The following SORBS2 variants were observed in gnomAD, a reference collection of about 807,000 sequenced individuals.
The protein encoded by SORBS2 is sorbin and SH3 domain containing 2, also known as sorbin and SH3 domain-containing protein 2.
A neutral mutation model predicts 97.7 loss-of-function variants in SORBS2; 46 were observed. The observed-to-expected ratio is 0.47, with a 90% CI of 0.37 to 0.60. SORBS2 has a LOEUF of 0.60. Among genes scored for constraint, SORBS2 ranks in the 20% least tolerant of loss-of-function variants. The probability of loss-of-function intolerance (pLI) is 0.00; values close to 1 mark genes in which losing one functional copy is unlikely to be tolerated. For missense variants in SORBS2, 1,316 were observed against 1,282.3 expected (o/e 1.03, Z -0.40); for synonymous variants, 476 against 473.4 (o/e 1.01, Z -0.07).
chr4:185,753,946 G>A (rs2098815926), intron 2 of SORBS2, among the ~76,000 whole-genome samples: 1 of 152,094 alleles, frequency 6.6e-6, no homozygotes, highest in Admixed American at 6.6e-5. Context: ...TCCCATTATT[G>A]GGTCTATACC....
intron 1 of SORBS2, among the ~76,000 whole-genome samples, chr4:185,655,264 G>A (rs923105618): frequency 1.6e-4 from 24 of 152,308 alleles, no homozygotes; most frequent in Non-Finnish European, 3.1e-4. Context: ...CTGTTTCCTC[G>A]GCATAGGCTG....
At chr4:185,640,463 C>T (rs375319636) in intron 4 of SORBS2, among the ~76,000 whole-genome samples, 1 of 152,018 alleles carries the variant, frequency 6.6e-6, no homozygotes, top group Non-Finnish European at 1.5e-5. Context: ...AGAGAACATC[C>T]TACTATTAGA....
At chr4:185,941,267 G>C (rs773424684) in intron 1 of SORBS2, among the ~76,000 whole-genome samples, 17 of 152,168 alleles carry the variant, frequency 1.1e-4, no homozygotes, top group Non-Finnish European at 2.4e-4. Context: ...GCAGGAAAAG[G>C]TTAACTGTCT....
chr4:185,845,870 C>T (rs958678360), intron 1 of SORBS2, among the ~76,000 whole-genome samples: 1 of 152,194 alleles, frequency 6.6e-6, no homozygotes, highest in African/African-American at 2.4e-5. Flanking sequence ...CACCTTTCAA[C>T]TGGCCAAAAT....
intron 4 of SORBS2, among the ~76,000 whole-genome samples, chr4:185,667,271 T>G (rs559004633): frequency 1.3e-5 from 2 of 152,228 alleles, no homozygotes; most frequent in Non-Finnish European, 2.9e-5. Flanking sequence ...CTGTTTACAC[T>G]TAGAAATACT....
chr4:185,652,583 G>T, intron 2 of SORBS2, 79 bp downstream of exon 10: 2 of 1,108,856 alleles, frequency 1.8e-6, no homozygotes, highest in Non-Finnish European at 2.8e-6. Flanking sequence ...CATTGTGTGT[G>T]AATCAAACCG....
intron 4 of SORBS2, among the ~76,000 whole-genome samples, chr4:185,641,634 T>C (rs2097127831): frequency 6.6e-6 from 1 of 151,926 alleles, no homozygotes; most frequent in African/African-American, 2.4e-5. Flanking sequence ...ATATTAACAC[T>C]CAGAAACTCA....
intron 1 of SORBS2, among the ~76,000 whole-genome samples, chr4:185,792,706 G>A (rs1189674381): frequency 3.3e-5 from 5 of 152,044 alleles, no homozygotes; most frequent in Non-Finnish European, 7.4e-5. Flanking sequence ...TTGAGGATAC[G>A]GAAATTTGGT....
At chr4:185,687,096 G>A (rs1170604676) in intron 2 of SORBS2, among the ~76,000 whole-genome samples, 1 of 152,112 alleles carries the variant, frequency 6.6e-6, no homozygotes, top group Non-Finnish European at 1.5e-5. Flanking sequence ...AGGCTGGAGT[G>A]TAGTGATGCA....
intron 1 of SORBS2, among the ~76,000 whole-genome samples, chr4:185,919,105 C>A (rs2099259757): frequency 6.6e-6 from 1 of 152,186 alleles, no homozygotes; most frequent in Non-Finnish European, 1.5e-5. Context: ...AATCAGAACT[C>A]TTTTCATGAA....
intron 3 of SORBS2, among the ~76,000 whole-genome samples, chr4:185,647,099 T>C (rs1421569049): frequency 1.3e-5 from 2 of 152,196 alleles, no homozygotes; most frequent in East Asian, 3.9e-4. Context: ...TTTGGGATCC[T>C]TGATCCAAAG....
At chr4:185,695,689 G>A (rs2098166182) in intron 2 of SORBS2, among the ~76,000 whole-genome samples, 1 of 152,154 alleles carries the variant, frequency 6.6e-6, no homozygotes, top group Non-Finnish European at 1.5e-5. Flanking sequence ...ATCTCTGACT[G>A]TGGTAAAATA....
At chr4:185,639,604 C>T (rs887371689) in intron 4 of SORBS2, among the ~76,000 whole-genome samples, 2 of 152,104 alleles carry the variant, frequency 1.3e-5, no homozygotes, top group Non-Finnish European at 2.9e-5. Flanking sequence ...AATCTAAGAG[C>T]TTAAAGTACT....
chr4:185,944,304 C>T (rs1010168438), intron 1 of SORBS2, among the ~76,000 whole-genome samples: 6 of 152,166 alleles, frequency 3.9e-5, no homozygotes, highest in Non-Finnish European at 7.4e-5. Flanking sequence ...GGCCACTAGC[C>T]TGGGCCTAGT....
chr4:185,775,678 C>T (rs2098996618), intron 1 of SORBS2: 1 of 152,204 alleles, frequency 6.6e-6, no homozygotes, highest in Admixed American at 6.5e-5. Flanking sequence ...ACACAGTGCT[C>T]CTCAAGTTTT....
intron 1 of SORBS2, among the ~76,000 whole-genome samples, chr4:185,843,737 T>C (rs1319075615): frequency 1.3e-5 from 2 of 152,198 alleles, no homozygotes; most frequent in Non-Finnish European, 2.9e-5. Flanking sequence ...ATCATGTTCA[T>C]GGATGAGAAA....
In SORBS2 at chr4:185,642,813, C is replaced by T. The variant is rs142693100; in HGVS notation, c.396+3855G>A. On this transcript the variant is annotated intron_variant, in intron 4 of 14. Coordinates refer to ENST00000418609, the Ensembl canonical transcript of SORBS2. Reference sequence around the variant, plus strand: ...CTGCCTTCTCTGTATCCCAGGGAATCGTGGAATTATGAGTCACTACTAATA... The same window carrying T: ...CTGCCTTCTCTGTATCCCAGGGAATTGTGGAATTATGAGTCACTACTAATA... Among the ~76,000 whole-genome samples the T allele has an allele frequency of 1.5e-4, 23 of 152,252 alleles. No homozygotes were observed. The East Asian group carries it at 1.7e-3, about 11-fold the overall frequency.
At chr4:185,847,879 A>C (rs1287643324) in intron 1 of SORBS2, among the ~76,000 whole-genome samples, 3 of 152,316 alleles carry the variant, frequency 2.0e-5, no homozygotes, top group Admixed American at 1.3e-4. Context: ...GGCTAGTCTC[A>C]TCAAAGAGCA....
chr4:185,797,752 C>T lies in SORBS2; in HGVS notation c.-337-22386G>A, dbSNP rs60360935. The stretch of plus-strand genomic sequence containing the variant: ...AATGAATTCCAACTTTATGTGACTG[C>T]AAAGCTCTTCCATGCCCCCACACCA... On this transcript the variant is annotated intron_variant, in intron 1 of 20. Coordinates refer to the SORBS2 transcript ENST00000284776. 4.1e-3 allele frequency among the ~76,000 whole-genome samples: 625 copies of T among 152,244 alleles called. 6 individuals are homozygous for T. Among genetic ancestry groups the T allele is most frequent in the African/African-American group, 0.014 (585 of 41,516 alleles).
Sources: allele counts gnomAD v4.1 joint callset (sites outside exome capture counted in the v4.1 genomes callset), GRCh38; gene constraint gnomAD v4.1.1; transcripts MANE v1.5; gene names NCBI Gene and HGNC (gene_info 2026-07-23, HGNC 2026-07-21).